XKR4: variants seen among roughly 807,000 people sequenced by gnomAD.
XKR4 encodes XK related 4, also known as XK-related protein 4.
In XKR4, 12 loss-of-function variants were observed where a neutral mutation model predicts 53.9. The ratio of observed to expected loss-of-function variants is 0.22; its 90% confidence interval spans 0.14 to 0.36. The LOEUF (loss-of-function observed/expected upper bound fraction) is 0.36, where lower values mean the gene tolerates loss of function less well. Ranked by LOEUF, XKR4 falls within the 10% of genes least tolerant of loss-of-function variation. The pLI, the probability that XKR4 is intolerant of heterozygous loss-of-function variation, is 1.00. For synonymous variants in XKR4, 354 were observed against 362.4 expected (o/e 0.98, Z 0.26); for missense variants, 799 against 859.5 (o/e 0.93, Z 0.88).
intron 1 of XKR4, among the ~76,000 whole-genome samples, chr8:55,140,649 G>T (rs1410146270): frequency 6.6e-6 from 1 of 152,226 alleles, no homozygotes; most frequent in Non-Finnish European, 1.5e-5. Flanking sequence ...ATGCCTGCAG[G>T]GATGTCTGGT....
At chr8:55,357,163 G>A (rs1224853118) in intron 1 of XKR4, among the ~76,000 whole-genome samples, 1 of 152,290 alleles carries the variant, frequency 6.6e-6, no homozygotes, top group African/African-American at 2.4e-5. Context: ...CTTACACTGA[G>A]TGAAAGGGTA....
At chr8:55,116,277 A>G (rs1347826747) in intron 1 of XKR4, among the ~76,000 whole-genome samples, 3 of 152,162 alleles carry the variant, frequency 2.0e-5, no homozygotes, top group South Asian at 4.2e-4. Flanking sequence ...TGAGATAGGA[A>G]CTGAGGAAAA....
intron 1 of XKR4, among the ~76,000 whole-genome samples, chr8:55,140,806 T>C (rs904060989): frequency 1.3e-5 from 2 of 152,162 alleles, no homozygotes; most frequent in African/African-American, 4.8e-5. Flanking sequence ...GCCTTGCCCA[T>C]CAACTGTGGC....
intron 2 of XKR4, among the ~76,000 whole-genome samples, chr8:55,358,319 G>T (rs1449571157): frequency 6.6e-6 from 1 of 150,644 alleles, no homozygotes; most frequent in South Asian, 2.1e-4. Flanking sequence ...TTGATGTTGA[G>T]AGAGAGAGAG....
intron 1 of XKR4, among the ~76,000 whole-genome samples, chr8:55,333,044 T>A (rs1418250015): frequency 6.6e-6 from 1 of 152,062 alleles, no homozygotes; most frequent in South Asian, 2.1e-4. Flanking sequence ...ATTTATTATA[T>A]TTTTTAGCTC....
intron 1 of XKR4, among the ~76,000 whole-genome samples, chr8:55,228,739 G>A (rs1014264493): frequency 4.5e-4 from 68 of 152,062 alleles, no homozygotes; most frequent in Non-Finnish European, 7.4e-4. Context: ...ATGTAGTAGC[G>A]CCATGTCTAT....
intron 1 of XKR4, among the ~76,000 whole-genome samples, chr8:55,351,580 C>T (rs978875379): frequency 3.3e-5 from 5 of 152,202 alleles, no homozygotes; most frequent in Non-Finnish European, 7.3e-5. Context: ...CATGGAGGTC[C>T]TGAATTTAAA....
intron 2 of XKR4, among the ~76,000 whole-genome samples, chr8:55,498,554 A>G (rs542471154): frequency 6.6e-6 from 1 of 152,200 alleles, no homozygotes; most frequent in South Asian, 2.1e-4. Flanking sequence ...CCGAGGTGGG[A>G]GGATCACTTG....
At chr8:55,113,157 C>G (rs1816257095) in intron 1 of XKR4, among the ~76,000 whole-genome samples, 1 of 152,120 alleles carries the variant, frequency 6.6e-6, no homozygotes, top group Non-Finnish European at 1.5e-5. Context: ...TATCTACCTA[C>G]TTTGAAATAA....
At chr8:55,132,657 C>T (rs1487322293) in intron 1 of XKR4, among the ~76,000 whole-genome samples, 2 of 152,098 alleles carry the variant, frequency 1.3e-5, no homozygotes, top group Non-Finnish European at 2.9e-5. Context: ...ACTAGAATCC[C>T]GTGTCAGAAA....
intron 1 of XKR4, among the ~76,000 whole-genome samples, chr8:55,186,460 C>G (rs990314371): frequency 2.0e-5 from 3 of 151,954 alleles, no homozygotes. Flanking sequence ...TCGAGACCAT[C>G]CTGGCTAACA....
intron 1 of XKR4, among the ~76,000 whole-genome samples, chr8:55,255,427 C>T (rs1459357138): frequency 6.6e-6 from 1 of 152,132 alleles, no homozygotes; most frequent in Non-Finnish European, 1.5e-5. Flanking sequence ...CAGCATTTAT[C>T]CCAATAACTT....
At chr8:55,477,804 A>G (rs1806023836) in intron 2 of XKR4, among the ~76,000 whole-genome samples, 1 of 152,184 alleles carries the variant, frequency 6.6e-6, no homozygotes, top group Admixed American at 6.5e-5. Flanking sequence ...AAAGGGTATC[A>G]GTGACGGAAG....
At chr8:55,230,232 G>A (rs1288156278) in intron 1 of XKR4, among the ~76,000 whole-genome samples, 1 of 152,018 alleles carries the variant, frequency 6.6e-6, no homozygotes, top group Non-Finnish European at 1.5e-5. Flanking sequence ...TGATAGAGCA[G>A]TAAATAAAAC....
intron 2 of XKR4, among the ~76,000 whole-genome samples, chr8:55,485,578 C>A (rs953255003): frequency 2.0e-4 from 31 of 152,120 alleles, no homozygotes; most frequent in African/African-American, 5.6e-4. Context: ...GGGGTTTCAC[C>A]ATGTTGGCCA....
intron 2 of XKR4, among the ~76,000 whole-genome samples, chr8:55,395,293 A>G (rs1243135915): frequency 1.3e-5 from 2 of 151,984 alleles, no homozygotes; most frequent in Non-Finnish European, 1.5e-5. Context: ...GCTCAAGTTG[A>G]TTGGATCGGG....
At chr8:55,331,267 T>G (rs571407638) in intron 1 of XKR4, among the ~76,000 whole-genome samples, 1 of 152,250 alleles carries the variant, frequency 6.6e-6, no homozygotes, top group African/African-American at 2.4e-5. Flanking sequence ...TTTTCCAGTT[T>G]TTCTACTGCC....
At chr8:55,234,669 A>C (rs1818093757) in intron 1 of XKR4, among the ~76,000 whole-genome samples, 1 of 152,236 alleles carries the variant, frequency 6.6e-6, no homozygotes, top group Admixed American at 6.5e-5. Context: ...AAGCATATTT[A>C]TTTTAATAGG....
At chr8:55,415,528 G>A (rs1365466122) in intron 2 of XKR4, among the ~76,000 whole-genome samples, 1 of 152,066 alleles carries the variant, frequency 6.6e-6, no homozygotes, top group Non-Finnish European at 1.5e-5. Flanking sequence ...CGGGTGCTGA[G>A]TCTTTGGATA....
Sources: allele counts gnomAD v4.1 joint callset (sites outside exome capture counted in the v4.1 genomes callset), GRCh38; gene constraint gnomAD v4.1.1; transcripts MANE v1.5; gene names NCBI Gene and HGNC (gene_info 2026-07-23, HGNC 2026-07-21).